Variants in MBD4 observed in about 807,000 individuals in gnomAD.
The protein encoded by MBD4 is methyl-CpG binding domain 4, DNA glycosylase, also known as methyl-CpG-binding domain protein 4.
In MBD4, 53 loss-of-function variants were observed where a neutral mutation model predicts 60.2. The observed-to-expected ratio is 0.88, with a 90% CI of 0.71 to 1.11. The LOEUF (loss-of-function observed/expected upper bound fraction) is 1.11, where lower values mean the gene tolerates loss of function less well. MBD4 is among the 50% of genes least tolerant of loss of function. The pLI, the probability that MBD4 is intolerant of heterozygous loss-of-function variation, is 0.00. For synonymous variants in MBD4, 231 were observed against 229.8 expected (o/e 1.01, Z -0.05); for missense variants, 619 against 674.0 (o/e 0.92, Z 0.90).
chr3:129,434,783 T>C (rs550897085), intron 3 of MBD4, among the ~76,000 whole-genome samples: 1 of 152,302 alleles, frequency 6.6e-6, no homozygotes, highest in East Asian at 1.9e-4. Flanking sequence ...ACACTTACTT[T>C]TACGCTTACC....
In MBD4 at chr3:129,439,721, G is replaced by A; in HGVS notation, c.104+9C>T. ...TGAAACTGAGGCCCAAAAGGGGACA[G>A]TAACTTACCGGAGGTCATTCGGCGG... On this transcript the variant is annotated intron_variant, in intron 1 of 7. Coordinates refer to ENST00000429544, the MANE Select transcript of MBD4 (RefSeq NM_001276270.2). 5 of 1,543,550 alleles carry A rather than the reference G, an allele frequency of 3.2e-6. No individual in the cohort carries two copies. The highest frequency in any genetic ancestry group is 1.9e-5 in the Admixed American group (1 of 52,910).
intron 3 of MBD4, 81 bp downstream of exon 3, chr3:129,436,380 A>G (rs531279603): frequency 6.4e-7 from 1 of 1,559,246 alleles, no homozygotes; most frequent in African/African-American, 1.4e-5. Flanking sequence ...GCACGAATAC[A>G]AGATGCAGCA....
intron 6 of MBD4, 123 bp from the exon 7 acceptor site, chr3:129,432,729 C>T: frequency 2.2e-6 from 2 of 928,202 alleles, no homozygotes; most frequent in South Asian, 2.7e-5. Context: ...TTCCCAGCAA[C>T]CCCAGTTGTG....
intron 7 of MBD4, chr3:129,432,211 G>A (rs961809067): frequency 1.1e-5 from 15 of 1,410,828 alleles, no homozygotes; most frequent in Admixed American, 2.9e-5. Context: ...GGAAAACCAC[G>A]TCAGGCTTAG....
intron 3 of MBD4, 54 bp downstream of exon 3, chr3:129,436,407 A>G (rs1577064406): frequency 6.2e-7 from 1 of 1,603,280 alleles, no homozygotes; most frequent in African/African-American, 1.3e-5. Flanking sequence ...ATTTCTCATC[A>G]CATAATGTTT....
intron 3 of MBD4, among the ~76,000 whole-genome samples, chr3:129,434,890 T>C (rs533598283): frequency 5.9e-5 from 9 of 152,346 alleles, no homozygotes; most frequent in Admixed American, 5.2e-4. Context: ...CCTCTATCTA[T>C]TGGGAACCAG....
At position 129,439,741 on chromosome 3, in the gene MBD4, C is replaced by G. The variant is rs1305921785; in HGVS notation, c.93G>C (p.Pro31=). The G allele has an allele frequency of 1.3e-6, 2 of 1,589,354 alleles. No homozygotes were observed. Among genetic ancestry groups the G allele is most frequent in the South Asian group, 1.1e-5 (1 of 87,478 alleles). ...TSSERLVPDP[P]NDLRKEDVAM... ...GGACAGTAACTTACCGGAGGTCATT[C>G]GGCGGGTCTGGGACTAGGCGCTCAC... Residue 31 remains proline, a synonymous_variant, in exon 1 of 8, where the codon CCG becomes CCC. Transcript: ENST00000429544.
intron 7 of MBD4, 104 bp from the exon 8 acceptor site, chr3:129,431,682 T>C (rs1010861462): frequency 2.3e-5 from 18 of 789,180 alleles, no homozygotes; most frequent in Non-Finnish European, 4.0e-5. Context: ...GACAGTACAT[T>C]ACGATACCAT....
chr3:129,433,138 A>T lies in MBD4; in HGVS notation c.1503T>A (p.Gly501=), dbSNP rs1388239015. The T allele has an allele frequency of 6.2e-7, 1 of 1,614,222 alleles. No individual in the cohort carries two copies. The highest frequency in any genetic ancestry group is 8.5e-7 in the Non-Finnish European group (1 of 1,180,038). The change falls in exon 6 of 8, where the codon GGT becomes GGA. Residue 501 remains glycine (G), a synonymous_variant. Coordinates refer to ENST00000429544, the MANE Select transcript of MBD4 (RefSeq NM_001276270.2). ...TGGTTTTTGCCCGAAGATCGTAGAG[A>T]CCAAGAGGTTTAAGAAGTTCTGACA... is the stretch of plus-strand genomic sequence containing the variant. ...RDVSELLKPL[G]LYDLRAKTIV... is the part of the protein sequence containing the mutation.
chr3:129,439,622 T>G, intron 1 of MBD4, 108 bp downstream of exon 1: 1 of 805,692 alleles, frequency 1.2e-6, no homozygotes. Context: ...GGCTTCGAGG[T>G]TTCTGCCGAC....
rs772947757 is a variant in MBD4 at position 129,437,747 on chromosome 3, G to A, written c.308C>T (p.Ala103Val). 3 of 1,613,708 alleles carry A rather than the reference G, an allele frequency of 1.9e-6. No individual in the cohort carries two copies. In the Admixed American group the frequency reaches 5.0e-5, roughly 27 times the overall value. Reference protein sequence around the residue: ...VVKQRLFGKTAGRFDVYFISP... With the variant: ...VVKQRLFGKTVGRFDVYFISP... Reference sequence around the variant, plus strand: ...GATAAAGTACACATCAAATCTTCCTGCTGTCTTCCCAAATAACCTTTGCTT... The same window carrying A: ...GATAAAGTACACATCAAATCTTCCTACTGTCTTCCCAAATAACCTTTGCTT... Residue 103 changes from alanine to valine, a missense_variant, in exon 2 of 8, where the codon GCA becomes GTA. Physicochemically the swap from Ala to Val is moderately conservative, Grantham distance 64. Coordinates refer to ENST00000429544, the MANE Select transcript of MBD4 (RefSeq NM_001276270.2).
At chr3:129,437,425 T>C (rs1559801626) in intron 2 of MBD4, 117 bp from the exon 3 acceptor site, 1 of 834,046 alleles carries the variant, frequency 1.2e-6, no homozygotes, top group Non-Finnish European at 1.9e-6. Context: ...GTATCTGTCA[T>C]TTAAAAATGA....
Position 129,433,978 on chromosome 3 carries a change from C to T in MBD4, c.1265G>A (p.Ser422Asn). The change falls in exon 5 of 8, where the codon AGC (serine) becomes AAC (asparagine). Residue 422 changes from serine to asparagine, a missense_variant. Coordinates refer to ENST00000429544, the MANE Select transcript of MBD4 (RefSeq NM_001276270.2). ...CTTAAAGGCTTTACGTCGTGGGGGGCTAAGAGCTAAACAAACATAGTGCAT... is the reference window on the plus strand; with the variant it reads ...CTTAAAGGCTTTACGTCGTGGGGGGTTAAGAGCTAAACAAACATAGTGCAT... ...FSSKYNKEAL[S>N]PPRRKAFKKW... 1 of 1,614,088 alleles carries T rather than the reference C, an allele frequency of 6.2e-7. No homozygotes were observed. Among genetic ancestry groups the T allele is most frequent in the Non-Finnish European group, 8.5e-7 (1 of 1,179,990 alleles).
At chr3:129,436,435 C>T in intron 3 of MBD4, 26 bp downstream of exon 3, 1 of 1,613,378 alleles carries the variant, frequency 6.2e-7, no homozygotes, top group Middle Eastern at 1.7e-4. Context: ...CTTGAAAGCA[C>T]TGGATACCTT....
intron 1 of MBD4, among the ~76,000 whole-genome samples, chr3:129,438,221 G>A (rs925198119): frequency 1.3e-5 from 2 of 152,094 alleles, no homozygotes; most frequent in African/African-American, 4.8e-5. Flanking sequence ...CACTGAGTAG[G>A]GCTATTATAA....
In MBD4 at chr3:129,439,842, G is replaced by A. The variant is rs2072709460; in HGVS notation, c.-9C>T. 2 of 1,602,318 alleles carry A rather than the reference G, an allele frequency of 1.2e-6. No homozygotes were observed. The highest frequency in any genetic ancestry group is 1.7e-6 in the Non-Finnish European group (2 of 1,171,110). On this transcript the variant is annotated 5_prime_UTR_variant, in exon 1 of 8. Transcript: ENST00000429544. ...AGCCCAGTCGTGCCCATCGAGCAGG[G>A]TCCGGCTGCAGCAACGAGCCCAGCG...
chr3:129,438,059 A>G (rs1559802293), intron 1 of MBD4, 109 bp from the exon 2 acceptor site: 2 of 710,280 alleles, frequency 2.8e-6, no homozygotes, highest in East Asian at 5.0e-5. Context: ...CCATATTAAA[A>G]TGAGGGAGAT....
chr3:129,437,780 C>G lies in MBD4; in HGVS notation c.275G>C (p.Arg92Thr), dbSNP rs1365312836. ...CCCAAATAACCTTTGCTTCACAACT[C>G]TTTCCCATCCACATGGGACAGACTT... ...CRKSVPCGWERVVKQRLFGKT... is the reference protein window; with the variant it reads ...CRKSVPCGWETVVKQRLFGKT... The change falls in exon 2 of 8, where the codon AGA becomes ACA. Residue 92 changes from arginine (R) to threonine (T), a missense_variant. By Grantham distance (71) the Arg-to-Thr change is moderately conservative. Transcript: ENST00000429544. The G allele has an allele frequency of 1.9e-6, 3 of 1,614,190 alleles. No homozygotes were observed. Among genetic ancestry groups the G allele is most frequent in the Non-Finnish European group, 2.5e-6 (3 of 1,180,018 alleles).
In MBD4 at chr3:129,437,209, T is replaced by C. The variant is rs199785676; in HGVS notation, c.435A>G (p.Val145=). The change falls in exon 3 of 8, where the codon GTA becomes GTG. Residue 145 remains valine (V), a synonymous_variant. Transcript: ENST00000429544. ...SLKPEDFDFT[V]LSKRGIKSRY... is the part of the protein sequence containing the mutation. The stretch of plus-strand genomic sequence containing the variant: ...TTGACTTGATACCCCTTTTAGAAAG[T>C]ACAGTAAAATCAAAATCTTCTGGCT... 9.2e-5 allele frequency: 148 copies of C among 1,613,518 alleles called. No individual in the cohort carries two copies. The highest frequency in any genetic ancestry group is 1.1e-4 in the East Asian group (5 of 44,898).
Sources: gnomAD v4.1 joint callset for allele counts (sites outside exome capture counted in the v4.1 genomes callset) on GRCh38, gnomAD v4.1.1 for gene constraint, MANE v1.5 for transcripts, NCBI Gene and HGNC (gene_info 2026-07-23, HGNC 2026-07-21) for gene names.